Variants in TCF4 observed in about 807,000 individuals in gnomAD.
The protein encoded by TCF4 is transcription factor 4.
Under a neutral mutation model 82.1 loss-of-function variants are expected in TCF4, and 3 were observed. The observed-to-expected ratio is 0.04, with a 90% CI of 0.02 to 0.09. The LOEUF is 0.09. Ranked by LOEUF, TCF4 falls within the 10% of genes least tolerant of loss-of-function variation. The pLI is 1.00. For missense variants in TCF4, 518 were observed against 852.7 expected (o/e 0.61, Z 4.89); for synonymous variants, 276 against 309.6 (o/e 0.89, Z 1.14).
intron 3 of TCF4, among the ~76,000 whole-genome samples, chr18:55,584,316 C>T (rs750043364): frequency 3.9e-5 from 6 of 152,090 alleles, no homozygotes; most frequent in Non-Finnish European, 5.9e-5. Context: ...ACCAGTCTGA[C>T]TTAAGAATAG....
chr18:55,222,313 A>T lies in TCF4; in HGVS notation c.*5722T>A, dbSNP rs2045977862. The T allele has an allele frequency of 6.6e-6, 1 of 152,212 alleles. No individual in the cohort carries two copies. Among genetic ancestry groups the T allele is most frequent in the South Asian group, 2.1e-4 (1 of 4,834 alleles). The allele number at this position is 152,212 out of a possible 1,614,324, so 9.4% of individuals were successfully genotyped here. ...TTTTCAGTAGTAGTTATATGATCAAATATAATACTAAAAGACTAAATGCTT... is the reference window on the plus strand; with the variant it reads ...TTTTCAGTAGTAGTTATATGATCAATTATAATACTAAAAGACTAAATGCTT... On this transcript the variant is annotated 3_prime_UTR_variant, in exon 20 of 20. Transcript: ENST00000354452.
chr18:55,484,631 T>C (rs1362553880), intron 3 of TCF4, among the ~76,000 whole-genome samples: 2 of 152,214 alleles, frequency 1.3e-5, no homozygotes, highest in African/African-American at 4.8e-5. Context: ...AACCAGTCCT[T>C]GTGTGGACAG....
rs1030357258 is a variant in TCF4, at chr18:55,565,103, A to AT, written c.145+20176dup. 4.1e-4 allele frequency among the ~76,000 whole-genome samples: 62 copies of AT among 152,242 alleles called. 1 individual carries two copies. The highest frequency in any genetic ancestry group is 1.4e-3 in the African/African-American group (58 of 41,544). On this transcript the variant is annotated intron_variant, in intron 3 of 19. Coordinates refer to ENST00000354452, the MANE Select transcript of TCF4 (RefSeq NM_001083962.2). The stretch of plus-strand genomic sequence containing the variant: ...CAGAATCTAGAAGCACAGAGTTTCC[A>AT]TTTTTTTAAAAAGAACATTTTCTCT...
intron 2 of TCF4, among the ~76,000 whole-genome samples, chr18:55,614,209 A>T (rs2097709775): frequency 6.6e-6 from 1 of 152,210 alleles, no homozygotes; most frequent in Admixed American, 6.5e-5. Context: ...ACTATTACGA[A>T]TAAAGCTGCT....
intron 3 of TCF4, among the ~76,000 whole-genome samples, chr18:55,481,990 T>C (rs1235963574): frequency 6.6e-6 from 1 of 152,222 alleles, no homozygotes; most frequent in East Asian, 1.9e-4. Flanking sequence ...AGGTTTCTGA[T>C]ATTTATTTAA....
chr18:55,269,809 A>G (rs2059966350), intron 11 of TCF4, 22 bp downstream of exon 11: 2 of 1,612,772 alleles, frequency 1.2e-6, no homozygotes, highest in African/African-American at 2.7e-5. Context: ...TTGGTATCAG[A>G]ATTGGCATTT....
chr18:55,484,126 G>A (rs1046282343), intron 3 of TCF4, among the ~76,000 whole-genome samples: 1 of 152,150 alleles, frequency 6.6e-6, no homozygotes, highest in African/African-American at 2.4e-5. Flanking sequence ...TGTTATGAGA[G>A]AGAAGTGACA....
chr18:55,501,103 C>T (rs1234747104), intron 3 of TCF4, among the ~76,000 whole-genome samples: 1 of 152,016 alleles, frequency 6.6e-6, no homozygotes. Flanking sequence ...TTTCATTTAT[C>T]CCTAGAGGAT....
intron 8 of TCF4, among the ~76,000 whole-genome samples, chr18:55,287,479 G>A (rs2063958103): frequency 6.6e-6 from 1 of 152,138 alleles, no homozygotes; most frequent in Non-Finnish European, 1.5e-5. Context: ...TCACAAAACG[G>A]TAAGAATTTC....
At chr18:55,577,165 T>C (rs1432400835) in intron 3 of TCF4, among the ~76,000 whole-genome samples, 5 of 143,386 alleles carry the variant, frequency 3.5e-5, no homozygotes, top group African/African-American at 1.0e-4. Context: ...TATGTATATA[T>C]ACATTTATAT....
At chr18:55,480,296 AGCGGGGG>A (rs2096396345) in intron 3 of TCF4, among the ~76,000 whole-genome samples, 1 of 63,356 alleles carries the variant, frequency 1.6e-5, no homozygotes, top group African/African-American at 6.0e-5. Context: ...AAAAAAAAAA[AGCGGGGG>A]GGCGGGGGGA....
chr18:55,375,686 T>A (rs1198809241), intron 6 of TCF4, among the ~76,000 whole-genome samples: 1 of 152,088 alleles, frequency 6.6e-6, no homozygotes, highest in Non-Finnish European at 1.5e-5. Context: ...TTACGGGTTA[T>A]AAGATTAACA....
intron 6 of TCF4, among the ~76,000 whole-genome samples, chr18:55,386,389 AG>A (rs1338554985): frequency 6.6e-6 from 1 of 152,152 alleles, no homozygotes; most frequent in Non-Finnish European, 1.5e-5. Flanking sequence ...AGCTAGTACT[AG>A]AATGGGTATC....
chr18:55,355,835 T>C (rs547774933), intron 6 of TCF4, among the ~76,000 whole-genome samples: 2 of 152,182 alleles, frequency 1.3e-5, no homozygotes, highest in Non-Finnish European at 2.9e-5. Flanking sequence ...AAAGGTTTTT[T>C]GTCAGTGTTT....
At chr18:55,229,676 A>G (rs2047322438) in intron 17 of TCF4, 1 of 154,946 alleles carries the variant, frequency 6.5e-6, no homozygotes, top group Admixed American at 6.3e-5. Context: ...AGGTGTCCCC[A>G]TTACCTTGCT....
At chr18:55,361,011 C>T (rs537882857) in intron 6 of TCF4, among the ~76,000 whole-genome samples, 10 of 152,250 alleles carry the variant, frequency 6.6e-5, no homozygotes, top group African/African-American at 1.4e-4. Flanking sequence ...AGGCCTGAGC[C>T]ACCACACCTG....
intron 6 of TCF4, among the ~76,000 whole-genome samples, chr18:55,358,674 T>G (rs2084238922): frequency 6.6e-6 from 1 of 152,230 alleles, no homozygotes; most frequent in Admixed American, 6.5e-5. Context: ...TCTGTAAACT[T>G]GTTTTTTCTC....
At chr18:55,439,657 T>C (rs957939035) in intron 5 of TCF4, among the ~76,000 whole-genome samples, 1 of 152,166 alleles carries the variant, frequency 6.6e-6, no homozygotes, top group African/African-American at 2.4e-5. Context: ...CTGGGCATAA[T>C]GGGTAACTCG....
chr18:55,349,378 T>G (rs539252013), intron 8 of TCF4, among the ~76,000 whole-genome samples: 60 of 152,258 alleles, frequency 3.9e-4, no homozygotes, highest in African/African-American at 1.4e-3. Flanking sequence ...ATTCTTCTAA[T>G]ACATTAAAAA....
Sources: gnomAD v4.1 joint callset for allele counts (sites outside exome capture counted in the v4.1 genomes callset) on GRCh38, gnomAD v4.1.1 for gene constraint, MANE v1.5 for transcripts, NCBI Gene and HGNC (gene_info 2026-07-23, HGNC 2026-07-21) for gene names.